Variants in RNF150 observed in about 807,000 individuals in gnomAD.
RNF150 encodes the protein ring finger protein 150.
In RNF150, 24 loss-of-function variants were observed where a neutral mutation model predicts 39.3. The ratio of observed to expected loss-of-function variants is 0.61; its 90% CI spans 0.44 to 0.86. The LOEUF (loss-of-function observed/expected upper bound fraction) is 0.86. Among genes scored for constraint, RNF150 ranks in the 40% least tolerant of loss-of-function variants. The pLI, the probability that RNF150 is intolerant of heterozygous loss-of-function variation, is 0.00. For synonymous variants in RNF150, 255 were observed against 227.3 expected (o/e 1.12, Z -1.10); for missense variants, 502 against 587.8 (o/e 0.85, Z 1.51).
intron 1 of RNF150, among the ~76,000 whole-genome samples, chr4:141,093,495 T>C (rs1738671815): frequency 6.6e-6 from 1 of 152,060 alleles, no homozygotes; most frequent in South Asian, 2.1e-4. Context: ...CAGTTGGGGT[T>C]TTGGCTAAGT....
rs1327477500 is a variant in RNF150, at chr4:141,132,237, CAGA to C, written c.484+85_484+87del. ...CGTCTTCCGCGCCGCACGGACTTCC[CAGA>C]AGGAGCCTGGAGGCAGGCGCTGGAT... On this transcript the variant is annotated intron_variant, in intron 1 of 6. Transcript: ENST00000515673. The surrounding 1 kb of genome is among the most constrained non-coding windows in gnomAD (Gnocchi z 4.9). 3 of 1,404,254 alleles carry C rather than the reference CAGA, an allele frequency of 2.1e-6. No homozygotes were observed. The highest frequency in any genetic ancestry group is 2.5e-5 in the East Asian group (1 of 40,026). The allele number at this position is 1,404,254 out of a possible 1,614,324, so 87.0% of individuals were successfully genotyped here.
At chr4:141,023,997 A>G (rs1317169443) in intron 1 of RNF150, among the ~76,000 whole-genome samples, 1 of 152,196 alleles carries the variant, frequency 6.6e-6, no homozygotes, top group Non-Finnish European at 1.5e-5. Flanking sequence ...TTTGAAATCC[A>G]TTGTTAGGAT....
intron 1 of RNF150, among the ~76,000 whole-genome samples, chr4:140,989,052 C>A (rs746078627): frequency 6.6e-6 from 1 of 152,040 alleles, no homozygotes; most frequent in Non-Finnish European, 1.5e-5. Flanking sequence ...ATTTTGGTTG[C>A]CCCTCCAGCA....
chr4:141,009,761 C>A (rs1735005211), intron 1 of RNF150, among the ~76,000 whole-genome samples: 1 of 152,172 alleles, frequency 6.6e-6, no homozygotes, highest in Non-Finnish European at 1.5e-5. Context: ...TCTCTCCCTA[C>A]CACCAACTTA....
intron 1 of RNF150, among the ~76,000 whole-genome samples, chr4:141,212,260 T>C (rs534765602): frequency 6.6e-6 from 1 of 152,328 alleles, no homozygotes; most frequent in South Asian, 2.1e-4. Flanking sequence ...ATGTTTCCCA[T>C]GTGCCAGGCA....
chr4:141,108,612 G>C (rs1739289335), intron 1 of RNF150, among the ~76,000 whole-genome samples: 1 of 152,096 alleles, frequency 6.6e-6, no homozygotes, highest in Admixed American at 6.6e-5. Context: ...TGTCAAAGTT[G>C]TGATAACATA....
intron 1 of RNF150, among the ~76,000 whole-genome samples, chr4:141,182,545 C>G (rs1727925865): frequency 6.2e-5 from 1 of 16,186 alleles, no homozygotes; most frequent in African/African-American, 2.7e-4. Context: ...AACAGACAAA[C>G]AGAGAGCCAA....
At chr4:140,999,992 A>AAAGAAGAAGAAG (rs1734555458) in intron 1 of RNF150, among the ~76,000 whole-genome samples, 1 of 22,422 alleles carries the variant, frequency 4.5e-5, no homozygotes, top group Admixed American at 9.5e-4. Context: ...AGAAAAGAAG[A>AAAGAAGAAGAAG]AAAGAAGAAG....
At chr4:141,085,756 T>C (rs1738340023) in intron 1 of RNF150, among the ~76,000 whole-genome samples, 1 of 152,150 alleles carries the variant, frequency 6.6e-6, no homozygotes, top group African/African-American at 2.4e-5. Flanking sequence ...GTGAGACAAG[T>C]ATTGGAATTC....
At chr4:141,030,784 TG>T (rs34423015) in intron 1 of RNF150, among the ~76,000 whole-genome samples, 17,526 of 152,048 alleles carry the variant, frequency 0.12, 1,097 homozygotes, top group Admixed American at 0.16. Flanking sequence ...AGAATCAGAA[TG>T]GGGGTTGCCA....
rs188517754 is a variant in RNF150 at position 140,941,965 on chromosome 4, A to C, written c.890+5689T>G. 2.1e-3 allele frequency among the ~76,000 whole-genome samples: 314 copies of C among 152,092 alleles called. 3 individuals are homozygous for C. Among genetic ancestry groups the C allele is most frequent in the African/African-American group, 7.1e-3 (295 of 41,392 alleles). On this transcript the variant is annotated intron_variant, in intron 4 of 6. Coordinates refer to ENST00000515673, the MANE Select transcript of RNF150 (RefSeq NM_020724.2). ...TTAATAAAAGTAAAGCTCAAATTAA[A>C]AATAAAACGCGCACAAAATTCCAGA...
At position 140,911,269 on chromosome 4, in the gene RNF150, C is replaced by T; in HGVS notation, c.1073G>A (p.Ser358Asn). 1 of 1,614,122 alleles carries T rather than the reference C, an allele frequency of 6.2e-7. No homozygotes were observed. Among genetic ancestry groups the T allele is most frequent in the Non-Finnish European group, 8.5e-7 (1 of 1,180,018 alleles). Reference protein sequence around the residue: ...GPPTNQITGASDTTVNESSVT... With the variant: ...GPPTNQITGANDTTVNESSVT... ...TGAACTTTCATTCACTGTTGTGTCGCTGGCACCTGTGATCTGGTTGGTGGG... is the reference window on the plus strand; with the variant it reads ...TGAACTTTCATTCACTGTTGTGTCGTTGGCACCTGTGATCTGGTTGGTGGG... Residue 358 changes from serine (S) to asparagine (N), a missense_variant, in exon 6 of 7, where the codon AGC becomes AAC. Ser to Asn is a conservative substitution (Grantham distance 46, BLOSUM62 1). Coordinates refer to ENST00000515673, the MANE Select transcript of RNF150 (RefSeq NM_020724.2).
intron 1 of RNF150, among the ~76,000 whole-genome samples, chr4:141,072,205 AG>A (rs1188946802): frequency 2.0e-4 from 30 of 152,226 alleles, no homozygotes; most frequent in Non-Finnish European, 2.9e-4. Flanking sequence ...CTATTGCAAC[AG>A]GTTAAGTGTT....
upstream of RNF150, among the ~76,000 whole-genome samples, chr4:141,136,769 A>T (rs1336775716): frequency 6.6e-6 from 1 of 152,204 alleles, no homozygotes; most frequent in African/African-American, 2.4e-5. Flanking sequence ...GTTGGAAAAA[A>T]ACAGAAATTT....
intron 1 of RNF150, among the ~76,000 whole-genome samples, chr4:141,016,275 C>T (rs192391046): frequency 5.4e-4 from 83 of 152,328 alleles, no homozygotes; most frequent in African/African-American, 1.7e-3. Flanking sequence ...CTGGACCAGA[C>T]TGAAGACTGA....
intron 1 of RNF150, among the ~76,000 whole-genome samples, chr4:141,125,112 T>G (rs369780673): frequency 1.3e-5 from 2 of 152,240 alleles, no homozygotes; most frequent in Non-Finnish European, 2.9e-5. Flanking sequence ...AATTTTCCTC[T>G]TTTATTATAG....
chr4:140,938,423 G>A (rs1039174488), intron 4 of RNF150, among the ~76,000 whole-genome samples: 1 of 152,090 alleles, frequency 6.6e-6, no homozygotes, highest in Non-Finnish European at 1.5e-5. Flanking sequence ...GTCCAACTTT[G>A]ATTTTGCCTC....
intron 1 of RNF150, among the ~76,000 whole-genome samples, chr4:141,169,321 C>T (rs2111169838): frequency 6.6e-6 from 1 of 152,216 alleles, no homozygotes; most frequent in East Asian, 1.9e-4. Context: ...CCTGAGGCCT[C>T]CCCAGGAGCT....
At chr4:141,174,366 C>G (rs1727775125) in intron 1 of RNF150, among the ~76,000 whole-genome samples, 2 of 152,150 alleles carry the variant, frequency 1.3e-5, no homozygotes, top group South Asian at 4.1e-4. Context: ...CAGTAAGACA[C>G]AGAGGCCCAA....
Sources: gnomAD v4.1 joint callset for allele counts (sites outside exome capture counted in the v4.1 genomes callset) on GRCh38, gnomAD v4.1.1 for gene constraint, Gnocchi (gnomAD v3.1) non-coding constraint, MANE v1.5 for transcripts, NCBI Gene and HGNC (gene_info 2026-07-23, HGNC 2026-07-21) for gene names.